Variants in SAMD5 observed in about 807,000 individuals in gnomAD.
The protein encoded by SAMD5 is sterile alpha motif domain-containing protein 5.
A neutral mutation model predicts 11.3 loss-of-function variants in SAMD5; 13 were observed. The observed-to-expected ratio is 1.15, with a 90% confidence interval of 0.75 to 1.83. The LOEUF (loss-of-function observed/expected upper bound fraction) is 1.83, where lower values mean the gene tolerates loss of function less well. SAMD5 is among the 40% of genes most tolerant of loss of function. The pLI is 0.00. For synonymous variants in SAMD5, 129 were observed against 111.3 expected, an observed-to-expected ratio of 1.16 and a Z score of -1.00; for missense variants, 255 against 239.1, an observed-to-expected ratio of 1.07 and a Z score of -0.44.
intron 1 of SAMD5, among the ~76,000 whole-genome samples, chr6:147,628,125 C>T (rs964976597): frequency 1.3e-5 from 2 of 152,066 alleles, no homozygotes; most frequent in South Asian, 4.1e-4. Flanking sequence ...GTTTGTTTTC[C>T]CTAATGTTGA....
chr6:147,801,985 T>C, the SAMD5 span, among the ~76,000 whole-genome samples: 1 of 152,180 alleles, frequency 6.6e-6, no homozygotes, highest in Non-Finnish European at 1.5e-5. Context: ...AAAGAGACTA[T>C]GTTCATGACC....
At chr6:147,582,086 C>T (rs1356385734) in intron 1 of SAMD5, among the ~76,000 whole-genome samples, 3 of 151,196 alleles carry the variant, frequency 2.0e-5, no homozygotes, top group African/African-American at 7.3e-5. Flanking sequence ...GGGCTGGACA[C>T]GGTGGCTTAC....
the SAMD5 span, among the ~76,000 whole-genome samples, chr6:147,882,341 G>A: frequency 6.6e-6 from 1 of 152,118 alleles, no homozygotes; most frequent in South Asian, 2.1e-4. Flanking sequence ...GTCCCATTAG[G>A]AACTTTGTTA....
In SAMD5 at chr6:147,711,497, A is replaced by AAAG. The variant is rs1372133166; in HGVS notation, c.163-25816_163-25814dup. Among the ~76,000 whole-genome samples, 1 of 152,232 alleles carries AAAG rather than the reference A, an allele frequency of 6.6e-6. No individual in the cohort carries two copies. Among genetic ancestry groups the AAAG allele is most frequent in the African/African-American group, 2.4e-5 (1 of 41,446 alleles). On this transcript the variant is annotated intron_variant, in intron 1 of 1. Transcript: ENST00000566741. The surrounding 1 kb of genome is among the most constrained non-coding windows in gnomAD (Gnocchi z 4.1). ...ATTCCTGCACTTTAGGCTGAAATAG[A>AAAG]AAGAAGCTCAAAACAAACCCACTGG...
the SAMD5 span, among the ~76,000 whole-genome samples, chr6:147,817,259 A>G: frequency 6.6e-6 from 1 of 152,252 alleles, no homozygotes. Context: ...TTCAGTACAT[A>G]TTCATGGGAA....
intron 1 of SAMD5, among the ~76,000 whole-genome samples, chr6:147,521,135 TA>T (rs146832143): frequency 0.086 from 13,074 of 152,120 alleles, 613 homozygotes; most frequent in African/African-American, 0.12. Flanking sequence ...TACTAATTAT[TA>T]TTTTTTTATT....
At chr6:147,881,309 C>T in the SAMD5 span, among the ~76,000 whole-genome samples, 9 of 152,134 alleles carry the variant, frequency 5.9e-5, no homozygotes, top group Non-Finnish European at 8.8e-5. Flanking sequence ...ACTTAGGCAA[C>T]GAAGTCATTC....
the SAMD5 span, among the ~76,000 whole-genome samples, chr6:147,852,517 T>G: frequency 1.3e-5 from 2 of 151,960 alleles, no homozygotes; most frequent in Non-Finnish European, 2.9e-5. Flanking sequence ...ATTTTCTATC[T>G]AAAAAAAAGT....
the SAMD5 span, among the ~76,000 whole-genome samples, chr6:147,794,783 A>G: frequency 6.6e-6 from 1 of 152,120 alleles, no homozygotes; most frequent in Non-Finnish European, 1.5e-5. Context: ...GTCCCTAGGT[A>G]TTGTAGCCTG....
the SAMD5 span, among the ~76,000 whole-genome samples, chr6:147,817,214 T>C: frequency 6.6e-6 from 1 of 152,222 alleles, no homozygotes; most frequent in African/African-American, 2.4e-5. Flanking sequence ...ATATTCATAT[T>C]TATATGCCCC....
chr6:147,519,261 C>T (rs1788216663), intron 1 of SAMD5, among the ~76,000 whole-genome samples: 1 of 151,962 alleles, frequency 6.6e-6, no homozygotes, highest in South Asian at 2.1e-4. Context: ...CATTTGATAC[C>T]CAAAATGTAT....
At chr6:147,941,422 G>A in the SAMD5 span, among the ~76,000 whole-genome samples, 1 of 152,192 alleles carries the variant, frequency 6.6e-6, no homozygotes, top group Non-Finnish European at 1.5e-5. Flanking sequence ...ACCCTCCCTG[G>A]CACTGGAATT....
chr6:147,624,926 A>T (rs543768902), intron 1 of SAMD5, among the ~76,000 whole-genome samples: 2 of 152,186 alleles, frequency 1.3e-5, no homozygotes, highest in Non-Finnish European at 2.9e-5. Context: ...TAGATTATGG[A>T]GAGAATGCAA....
chr6:147,720,336 T>G (rs575847944), intron 1 of SAMD5, among the ~76,000 whole-genome samples: 87 of 151,994 alleles, frequency 5.7e-4, no homozygotes, highest in African/African-American at 1.9e-3. Context: ...GATGGCGGGC[T>G]CCTGTAGTCC....
chr6:147,902,388 C>CT, the SAMD5 span, among the ~76,000 whole-genome samples: 1 of 151,904 alleles, frequency 6.6e-6, no homozygotes, highest in Non-Finnish European at 1.5e-5. Context: ...TCCGCATCTT[C>CT]TTAGGGATTC....
At chr6:147,838,535 C>CCT in the SAMD5 span, among the ~76,000 whole-genome samples, 1 of 142,894 alleles carries the variant, frequency 7.0e-6, no homozygotes, top group Non-Finnish European at 1.5e-5. Context: ...TATCCTGCCC[C>CCT]CCCCCCGTAG....
At chr6:147,669,555 G>T (rs1266496528) in intron 1 of SAMD5, among the ~76,000 whole-genome samples, 1 of 149,796 alleles carries the variant, frequency 6.7e-6, no homozygotes, top group Non-Finnish European at 1.5e-5. Flanking sequence ...AGCCTCCCAA[G>T]TAGCTGGGAC....
chr6:147,726,323 A>G (rs1791625719), intron 1 of SAMD5, among the ~76,000 whole-genome samples: 1 of 152,276 alleles, frequency 6.6e-6, no homozygotes, highest in African/African-American at 2.4e-5. Context: ...CACAGTAATA[A>G]TAAATGCTTT....
chr6:147,902,077 T>G, the SAMD5 span, among the ~76,000 whole-genome samples: 1 of 152,178 alleles, frequency 6.6e-6, no homozygotes, highest in Non-Finnish European at 1.5e-5. Flanking sequence ...TTTTCTGATA[T>G]TACATTGCTT....
Sources: allele counts gnomAD v4.1 joint callset (sites outside exome capture counted in the v4.1 genomes callset), GRCh38; gene constraint gnomAD v4.1.1; non-coding constraint Gnocchi (gnomAD v3.1); transcripts MANE v1.5; gene names NCBI Gene and HGNC (gene_info 2026-07-23, HGNC 2026-07-21).